Variants in PTGR1 observed in about 807,000 individuals in gnomAD.
PTGR1 encodes the protein prostaglandin reductase 1, also known as 15-oxoprostaglandin 13-reductase.
A neutral mutation model predicts 37.7 loss-of-function variants in PTGR1; 23 were observed. The ratio of observed to expected loss-of-function variants is 0.61; its 90% CI spans 0.44 to 0.86. The LOEUF is 0.86. PTGR1 is among the 40% of genes least tolerant of loss of function. PTGR1 has a pLI of 0.00. For synonymous variants in PTGR1, 134 were observed against 140.0 expected, an observed-to-expected ratio of 0.96 and a Z score of 0.30; for missense variants, 351 against 394.3, an observed-to-expected ratio of 0.89 and a Z score of 0.93.
chr9:111,549,844 G>T, intron 9 of PTGR1: 1 of 1,281,088 alleles, frequency 7.8e-7, no homozygotes. Flanking sequence ...CATCTTTAAG[G>T]CAGTTGCTTT....
chr9:111,573,409 GC>G (rs907692477), intron 8 of PTGR1, among the ~76,000 whole-genome samples: 4 of 152,054 alleles, frequency 2.6e-5, no homozygotes, highest in Admixed American at 6.6e-5. Context: ...TTCCTTTCTA[GC>G]CCCCCCATCT....
chr9:111,569,555 A>G (rs1828717279), intron 9 of PTGR1, among the ~76,000 whole-genome samples: 1 of 152,174 alleles, frequency 6.6e-6, no homozygotes, highest in Non-Finnish European at 1.5e-5. Flanking sequence ...AGGCGGGCGC[A>G]TCACTTGAGA....
downstream of PTGR1, among the ~76,000 whole-genome samples, chr9:111,562,165 G>A (rs1403624696): frequency 2.0e-5 from 3 of 152,072 alleles, no homozygotes; most frequent in African/African-American, 7.2e-5. Flanking sequence ...GAGCCACCGC[G>A]CCCGGCCTAT....
chr9:111,592,750 C>T, intron 4 of PTGR1, 176 bp downstream of exon 4: 1 of 796,732 alleles, frequency 1.3e-6, no homozygotes, highest in Middle Eastern at 2.5e-4. Context: ...CACATCCTTC[C>T]CTCCTTTCCA....
At chr9:111,559,826 A>G (rs1000850591), downstream of PTGR1, among the ~76,000 whole-genome samples, 1 of 152,174 alleles carries the variant, frequency 6.6e-6, no homozygotes, top group Non-Finnish European at 1.5e-5. Flanking sequence ...AGAAAAGAGG[A>G]CACGGGCAGT....
intron 6 of PTGR1, among the ~76,000 whole-genome samples, chr9:111,579,219 C>T (rs529840599): frequency 1.1e-4 from 17 of 152,098 alleles, no homozygotes; most frequent in Admixed American, 5.2e-4. Flanking sequence ...GCTGGTTTCA[C>T]AACCGATCCA....
chr9:111,594,396 G>GAGCATGGTAC, intron 2 of PTGR1, 129 bp from the exon 3 acceptor site: 2 of 762,160 alleles, frequency 2.6e-6, no homozygotes, highest in Non-Finnish European at 4.6e-6. Context: ...GAGGTACCAT[G>GAGCATGGTAC]CTCACTGCCT....
intron 7 of PTGR1, among the ~76,000 whole-genome samples, chr9:111,575,656 G>T (rs1829024073): frequency 6.6e-6 from 1 of 152,208 alleles, no homozygotes; most frequent in Non-Finnish European, 1.5e-5. Flanking sequence ...AGGAAAAATA[G>T]TCCTTTCAAT....
intron 9 of PTGR1, among the ~76,000 whole-genome samples, chr9:111,552,399 A>G (rs1827994472): frequency 6.6e-6 from 1 of 152,238 alleles, no homozygotes; most frequent in Admixed American, 6.5e-5. Flanking sequence ...TGCTTCAGAA[A>G]ATTGAACACA....
intron 9 of PTGR1, among the ~76,000 whole-genome samples, chr9:111,567,194 T>A (rs1828601947): frequency 6.6e-6 from 1 of 152,124 alleles, no homozygotes; most frequent in Admixed American, 6.6e-5. Flanking sequence ...TGGAAGGCAC[T>A]TTTTGTTTTT....
chr9:111,570,351 T>C, intron 8 of PTGR1, 142 bp from the exon 9 acceptor site: 1 of 1,361,880 alleles, frequency 7.3e-7, no homozygotes, highest in Non-Finnish European at 9.7e-7. Context: ...TCCTTTCTGA[T>C]CCACGGGACT....
At chr9:111,594,549 CTT>C (rs71373753) in intron 2 of PTGR1, among the ~76,000 whole-genome samples, 43 of 127,172 alleles carry the variant, frequency 3.4e-4, no homozygotes, top group African/African-American at 7.9e-4. Flanking sequence ...TTTTGGCATT[CTT>C]TTTTTTTTTT....
Position 111,597,401 on chromosome 9 carries a change from T to C in PTGR1, c.22A>G (p.Thr8Ala), listed in dbSNP as rs1564624484. MVRTKTW[T>A]LKKHFVGYPT... ...TAGCCAACAAAGTGCTTCTTCAGGG[T>C]CCATGTCTTAGTACGAACCATCCTG... The change falls in exon 2 of 10, where the codon ACC becomes GCC. Residue 8 changes from threonine (T) to alanine (A), a missense_variant. Transcript: ENST00000407693. The C allele has an allele frequency of 6.2e-7, 1 of 1,612,900 alleles. No homozygotes were observed. The highest frequency in any genetic ancestry group is 2.2e-5 in the East Asian group (1 of 44,874).
At chr9:111,565,586 A>T (rs941402729) in intron 9 of PTGR1, among the ~76,000 whole-genome samples, 8 of 152,258 alleles carry the variant, frequency 5.3e-5, no homozygotes, top group African/African-American at 1.7e-4. Context: ...ACAGTGGCAC[A>T]TTCAGAGTTC....
intron 1 of PTGR1, 35 bp from the exon 2 acceptor site, chr9:111,597,467 A>G (rs1366463345): frequency 7.4e-7 from 1 of 1,343,028 alleles, no homozygotes; most frequent in Admixed American, 1.9e-5. Context: ...AACTGCCATG[A>G]AGTGACTGCA....
chr9:111,564,073 C>T (rs1025310972), intron 9 of PTGR1: 5 of 185,542 alleles, frequency 2.7e-5, no homozygotes, highest in African/African-American at 1.2e-4. Context: ...ATTTCTCTTT[C>T]TCCTACAAGG....
chr9:111,571,097 T>G lies in PTGR1; in HGVS notation c.761-888A>C, dbSNP rs62569888. 2.1e-4 allele frequency among the ~76,000 whole-genome samples: 32 copies of G among 150,452 alleles called. 4 individuals carry two copies. Among genetic ancestry groups the G allele is most frequent in the Non-Finnish European group, 4.6e-4 (31 of 67,594 alleles). ...ATGCAGCCCTGCCAACCCATTTTAC[T>G]TTTAACCTCTAGACCTACAAGAATA... On this transcript the variant is annotated intron_variant, in intron 8 of 9. Transcript: ENST00000407693.
At chr9:111,586,615 C>G (rs1290718043) in intron 4 of PTGR1, among the ~76,000 whole-genome samples, 1 of 152,004 alleles carries the variant, frequency 6.6e-6, no homozygotes, top group Non-Finnish European at 1.5e-5. Flanking sequence ...TCCCCTAGCT[C>G]CTTGCCCCTT....
chr9:111,569,413 TC>T (rs1828711195), intron 9 of PTGR1, among the ~76,000 whole-genome samples: 1 of 152,142 alleles, frequency 6.6e-6, no homozygotes. Context: ...ATGAAATATT[TC>T]CCATAGCCAA....
Sources: allele counts gnomAD v4.1 joint callset (sites outside exome capture counted in the v4.1 genomes callset), GRCh38; gene constraint gnomAD v4.1.1; transcripts MANE v1.5; gene names NCBI Gene and HGNC (gene_info 2026-07-23, HGNC 2026-07-21).